Variants in OXSR1 observed in about 807,000 individuals in gnomAD.
OXSR1 encodes the protein serine/threonine-protein kinase OSR1.
A neutral mutation model predicts 79.8 loss-of-function variants in OXSR1; 24 were observed. That is an observed-to-expected ratio of 0.30 (90% CI 0.22 to 0.42). The LOEUF (loss-of-function observed/expected upper bound fraction) is 0.42. Among genes scored for constraint, OXSR1 ranks in the 10% least tolerant of loss-of-function variants. OXSR1 has a pLI of 1.00. For synonymous variants in OXSR1, 226 were observed against 209.2 expected, an observed-to-expected ratio of 1.08 and a Z score of -0.69; for missense variants, 430 against 618.4, an observed-to-expected ratio of 0.70 and a Z score of 3.23.
chr3:38,206,418 G>A (rs768374850), intron 4 of OXSR1, among the ~76,000 whole-genome samples: 5 of 150,658 alleles, frequency 3.3e-5, no homozygotes, highest in Non-Finnish European at 5.9e-5. Context: ...ATGCAAAGTA[G>A]ATGTTATAGT....
intron 3 of OXSR1, among the ~76,000 whole-genome samples, chr3:38,191,906 C>T (rs1701991126): frequency 6.6e-6 from 1 of 152,168 alleles, no homozygotes; most frequent in African/African-American, 2.4e-5. Context: ...TATTTATAAA[C>T]TGACATCCTT....
At chr3:38,188,976 G>A (rs552019977) in intron 2 of OXSR1, among the ~76,000 whole-genome samples, 3 of 152,194 alleles carry the variant, frequency 2.0e-5, no homozygotes, top group Non-Finnish European at 4.4e-5. Context: ...TACCTGGCAC[G>A]TAGTAGGGAT....
chr3:38,230,594 C>A, intron 10 of OXSR1, 164 bp downstream of exon 10: 1 of 579,284 alleles, frequency 1.7e-6, no homozygotes. Flanking sequence ...TATCTTTGGT[C>A]TACCATATGC....
intron 1 of OXSR1, among the ~76,000 whole-genome samples, chr3:38,176,400 T>C (rs1045145267): frequency 1.3e-5 from 2 of 152,256 alleles, no homozygotes; most frequent in Non-Finnish European, 2.9e-5. Context: ...ATTTACATTA[T>C]TAATTGCTAT....
Position 38,242,747 on chromosome 3 carries a change from C to T in OXSR1, c.1079C>T (p.Pro360Leu), listed in dbSNP as rs1703059881. The change falls in exon 12 of 18, where the codon CCC (proline) becomes CTC (leucine). Residue 360 changes from proline to leucine, a missense_variant. Physicochemically the swap from Pro to Leu is moderately conservative, Grantham distance 98 (BLOSUM62 -3). Transcript: ENST00000311806. ...GKAAISQLRS[P>L]RVKESISNSE... ...TCCTTTTTGTATTTCGTTTAGTCTC[C>T]CCGAGTGAAAGAATCAATATCAAAT... 6.4e-7 allele frequency: 1 copy of T among 1,560,520 alleles called. No homozygotes were observed. The highest frequency in any genetic ancestry group is 8.7e-7 in the Non-Finnish European group (1 of 1,142,922).
chr3:38,249,618 A>T (rs1401210657), intron 14 of OXSR1, among the ~76,000 whole-genome samples: 1 of 152,146 alleles, frequency 6.6e-6, no homozygotes, highest in Non-Finnish European at 1.5e-5. Context: ...GGCATCCTGT[A>T]TCATTTTAAT....
intron 4 of OXSR1, among the ~76,000 whole-genome samples, chr3:38,202,113 T>C: frequency 6.6e-6 from 1 of 152,172 alleles, no homozygotes; most frequent in Non-Finnish European, 1.5e-5. Flanking sequence ...TCTCGAAAGA[T>C]AGGAGAGTGG....
intron 13 of OXSR1, among the ~76,000 whole-genome samples, chr3:38,247,420 A>T (rs1365543589): frequency 1.3e-5 from 2 of 152,162 alleles, no homozygotes; most frequent in Non-Finnish European, 2.9e-5. Context: ...ATGTGGCTAT[A>T]TGTGAAATTT....
intron 4 of OXSR1, among the ~76,000 whole-genome samples, chr3:38,209,016 G>A (rs972033744): frequency 1.3e-5 from 2 of 152,144 alleles, no homozygotes; most frequent in African/African-American, 4.8e-5. Context: ...GTGCATGTTT[G>A]GTGGGGTATG....
chr3:38,221,738 CTG>C, intron 6 of OXSR1, 51 bp downstream of exon 6: 1 of 1,075,790 alleles, frequency 9.3e-7, no homozygotes, highest in South Asian at 1.4e-5. Context: ...TGTTTTGAAA[CTG>C]AAAAAACTTA....
intron 1 of OXSR1, among the ~76,000 whole-genome samples, chr3:38,181,354 GT>G (rs1201344941): frequency 0.07 from 8,914 of 128,016 alleles, 148 homozygotes; most frequent in Middle Eastern, 0.13. Flanking sequence ...TGTTTCAAAA[GT>G]TTTTTTTTTT....
At chr3:38,204,498 C>A (rs1559511102) in intron 4 of OXSR1, among the ~76,000 whole-genome samples, 1 of 152,046 alleles carries the variant, frequency 6.6e-6, no homozygotes. Flanking sequence ...GCAAGTACAG[C>A]TTGGCTGCCA....
chr3:38,229,742 A>C lies in OXSR1; in HGVS notation c.885+7A>C, dbSNP rs759665641. 1.2e-5 allele frequency: 20 copies of C among 1,607,716 alleles called. No individual in the cohort carries two copies. In the South Asian group the frequency reaches 2.2e-4, roughly 18 times the overall value. On this transcript the variant is annotated splice_region_variant and intron_variant, in intron 9 of 17. Coordinates refer to ENST00000311806, the MANE Select transcript of OXSR1 (RefSeq NM_005109.3). ...ATTTTTCCAGAAAGCAAAGGTAGGA[A>C]ATTCCAGCTTTTGATTATGTGTGTT...
At position 38,172,365 on chromosome 3, in the gene OXSR1, A is replaced by G. The variant is rs542661090; in HGVS notation, c.70+6419A>G. On this transcript the variant is annotated intron_variant, in intron 1 of 17. Coordinates refer to ENST00000311806, the MANE Select transcript of OXSR1 (RefSeq NM_005109.3). ...TCACCATGATATTGCTAATAATACAATATGATGGCAGAGAGGGCTGTGCCA... is the reference window on the plus strand; with the variant it reads ...TCACCATGATATTGCTAATAATACAGTATGATGGCAGAGAGGGCTGTGCCA... Among the ~76,000 whole-genome samples, 4 of 152,328 alleles carry G rather than the reference A, an allele frequency of 2.6e-5. No homozygotes were observed. The South Asian group carries it at 8.3e-4, about 32-fold the overall frequency.
chr3:38,251,308 G>T (rs1179582205), intron 15 of OXSR1, 95 bp from the exon 16 acceptor site: 8 of 975,230 alleles, frequency 8.2e-6, no homozygotes, highest in South Asian at 1.3e-5. Flanking sequence ...TCCAGCTTGG[G>T]CCTAGCATGG....
At chr3:38,215,221 A>G (rs115936478) in intron 4 of OXSR1, among the ~76,000 whole-genome samples, 7 of 152,306 alleles carry the variant, frequency 4.6e-5, no homozygotes, top group African/African-American at 1.7e-4. Flanking sequence ...ATGTCACAAC[A>G]TGTTGATTGA....
At chr3:38,200,425 C>T (rs1394396486) in intron 4 of OXSR1, among the ~76,000 whole-genome samples, 2 of 152,136 alleles carry the variant, frequency 1.3e-5, no homozygotes, top group Non-Finnish European at 2.9e-5. Context: ...GCCATGTTGT[C>T]CTTCAAGTTC....
intron 4 of OXSR1, among the ~76,000 whole-genome samples, chr3:38,212,622 C>T (rs913921868): frequency 6.6e-6 from 1 of 152,180 alleles, no homozygotes; most frequent in African/African-American, 2.4e-5. Flanking sequence ...ATGTTATGGG[C>T]AGAAACTTGT....
At chr3:38,190,606 C>G (rs1701965077) in intron 2 of OXSR1, 125 bp from the exon 3 acceptor site, 1 of 612,386 alleles carries the variant, frequency 1.6e-6, no homozygotes, top group African/African-American at 1.9e-5. Context: ...TTGAAGAAAT[C>G]AGAGCCATGG....
Sources: allele counts gnomAD v4.1 joint callset (sites outside exome capture counted in the v4.1 genomes callset), GRCh38; gene constraint gnomAD v4.1.1; transcripts MANE v1.5; gene names NCBI Gene and HGNC (gene_info 2026-07-23, HGNC 2026-07-21).